LAMA2: variants seen among roughly 807,000 people sequenced by gnomAD.
LAMA2 encodes the protein laminin subunit alpha-2.
LAMA2 carries 269 observed loss-of-function variants against 364.8 expected under a neutral mutation model. The ratio of observed to expected loss-of-function variants is 0.74; its 90% confidence interval spans 0.67 to 0.82. The LOEUF (loss-of-function observed/expected upper bound fraction) is 0.82. LAMA2 is among the 40% of genes least tolerant of loss of function. The pLI is 0.00. For missense variants in LAMA2, 3,807 were observed against 3,873.2 expected (o/e 0.98, Z 0.45); for synonymous variants, 1,379 against 1,370.6 (o/e 1.01, Z -0.14).
intron 1 of LAMA2, among the ~76,000 whole-genome samples, chr6:128,987,769 C>A (rs1358698997): frequency 6.6e-6 from 1 of 152,154 alleles, no homozygotes; most frequent in Non-Finnish European, 1.5e-5. Flanking sequence ...GACAAGTCAG[C>A]CAACTTTTTT....
chr6:129,303,378 CAAA>C (rs1274647234), intron 22 of LAMA2, among the ~76,000 whole-genome samples: 3 of 152,142 alleles, frequency 2.0e-5, no homozygotes, highest in Non-Finnish European at 4.4e-5. Context: ...ATGTCATCTG[CAAA>C]GAGAGATTTA....
At chr6:129,007,825 T>C (rs1446957431) in intron 1 of LAMA2, among the ~76,000 whole-genome samples, 1 of 152,218 alleles carries the variant, frequency 6.6e-6, no homozygotes, top group Admixed American at 6.5e-5. Flanking sequence ...ACACACTGTA[T>C]TGTCAGTAAA....
intron 31 of LAMA2, among the ~76,000 whole-genome samples, chr6:129,352,750 A>G (rs1164196547): frequency 1.3e-5 from 2 of 152,160 alleles, no homozygotes; most frequent in East Asian, 1.9e-4. Context: ...ATGGCACTCA[A>G]TTAAGAACTG....
At chr6:129,181,104 C>T (rs1780900171) in intron 10 of LAMA2, among the ~76,000 whole-genome samples, 1 of 152,188 alleles carries the variant, frequency 6.6e-6, no homozygotes. Context: ...GACCGAATCC[C>T]CAAACCTGTG....
chr6:129,468,482 G>A (rs1031746558), intron 51 of LAMA2, among the ~76,000 whole-genome samples: 1 of 151,730 alleles, frequency 6.6e-6, no homozygotes, highest in Non-Finnish European at 1.5e-5. Context: ...CAGTTAATAT[G>A]TATTAATTTT....
intron 1 of LAMA2, chr6:128,929,931 C>A: frequency 1.3e-6 from 1 of 779,188 alleles, no homozygotes; most frequent in East Asian, 2.6e-5. Flanking sequence ...AGGAGCGCGG[C>A]CCACAGCCCC....
chr6:129,257,209 G>A (rs1046954698), intron 14 of LAMA2, among the ~76,000 whole-genome samples: 60 of 150,412 alleles, frequency 4.0e-4, no homozygotes, highest in African/African-American at 1.3e-3. Context: ...TACTGAAGGG[G>A]AAAAAAAAAT....
rs773943370 is a variant in LAMA2 at position 129,098,166 on chromosome 6, T to A, written c.397-7T>A. The A allele has an allele frequency of 1.2e-6, 2 of 1,614,050 alleles. No homozygotes were observed. Among genetic ancestry groups the A allele is most frequent in the Non-Finnish European group, 1.7e-6 (2 of 1,179,906 alleles). On this transcript the variant is annotated splice_polypyrimidine_tract_variant and splice_region_variant and intron_variant, in intron 3 of 64. Transcript: ENST00000421865. ...TCAATGTTATTGTTGTTGTTATACT[T>A]CCCTAGGTGTTCCAGATCGCGTATG... is the stretch of plus-strand genomic sequence containing the variant.
intron 1 of LAMA2, among the ~76,000 whole-genome samples, chr6:128,891,895 A>G (rs534282112): frequency 1.6e-4 from 24 of 152,178 alleles, no homozygotes; most frequent in Admixed American, 1.3e-3. Flanking sequence ...GAGGTAACTG[A>G]ATCGTAGAAA....
At chr6:129,054,108 T>C (rs1438181742) in intron 2 of LAMA2, among the ~76,000 whole-genome samples, 2 of 152,190 alleles carry the variant, frequency 1.3e-5, no homozygotes, top group Non-Finnish European at 2.9e-5. Context: ...AGAAATTTCT[T>C]ATTTGATGAT....
chr6:129,399,657 G>A (rs1323747886), intron 37 of LAMA2, among the ~76,000 whole-genome samples: 2 of 152,096 alleles, frequency 1.3e-5, no homozygotes, highest in African/African-American at 4.8e-5. Flanking sequence ...TCAGAGGAGT[G>A]GCTATTACCA....
intron 1 of LAMA2, among the ~76,000 whole-genome samples, chr6:128,921,011 A>G (rs1057323106): frequency 1.3e-5 from 2 of 152,224 alleles, no homozygotes; most frequent in Non-Finnish European, 2.9e-5. Context: ...CTGTCTTTGC[A>G]CTATTGCTTG....
intron 1 of LAMA2, among the ~76,000 whole-genome samples, chr6:128,942,304 T>A (rs1048707303): frequency 2.0e-5 from 3 of 152,158 alleles, no homozygotes; most frequent in Non-Finnish European, 4.4e-5. Context: ...CAAGAGCTTT[T>A]AAAATAACAG....
intron 12 of LAMA2, among the ~76,000 whole-genome samples, chr6:129,211,531 AC>A (rs1230647149): frequency 1.3e-5 from 2 of 152,124 alleles, no homozygotes; most frequent in Admixed American, 6.6e-5. Context: ...TGGACTTATA[AC>A]TCCCTTGCAG....
Position 129,314,775 on chromosome 6 carries a change from G to C in LAMA2, c.3532G>C (p.Ala1178Pro). 1 of 1,614,056 alleles carries C rather than the reference G, an allele frequency of 6.2e-7. No homozygotes were observed. Among genetic ancestry groups the C allele is most frequent in the African/African-American group, 1.3e-5 (1 of 75,046 alleles). Residue 1178 changes from alanine to proline, a missense_variant, in exon 24 of 65, where the codon GCA becomes CCA. Ala to Pro is a conservative substitution (Grantham distance 27). Coordinates refer to ENST00000421865, the MANE Select transcript of LAMA2 (RefSeq NM_000426.4). ...CFGTTTQCSE[A>P]KGLIRTWVTL... The stretch of plus-strand genomic sequence containing the variant: ...CGGCACTACTACCCAGTGCTCTGAA[G>C]CAAAAGGACTGATCCGGACGTGGGT...
At chr6:128,929,070 G>T in intron 1 of LAMA2, 2 of 1,453,752 alleles carry the variant, frequency 1.4e-6, no homozygotes, top group Non-Finnish European at 1.9e-6. Flanking sequence ...TGGCTAATGT[G>T]GTCATCCAGA....
At chr6:128,943,022 T>G (rs1431153283) in intron 1 of LAMA2, among the ~76,000 whole-genome samples, 1 of 152,210 alleles carries the variant, frequency 6.6e-6, no homozygotes, top group African/African-American at 2.4e-5. Flanking sequence ...AAATCATTGC[T>G]TTTTCTTCTT....
At chr6:128,927,240 C>T (rs1779156652) in intron 1 of LAMA2, among the ~76,000 whole-genome samples, 1 of 152,150 alleles carries the variant, frequency 6.6e-6, no homozygotes, top group Non-Finnish European at 1.5e-5. Flanking sequence ...ATAACAAATG[C>T]ACTTAAATTG....
chr6:128,964,261 A>G (rs1018620940), intron 1 of LAMA2, among the ~76,000 whole-genome samples: 1 of 152,076 alleles, frequency 6.6e-6, no homozygotes, highest in African/African-American at 2.4e-5. Flanking sequence ...TGAGTAGCCA[A>G]TGATGTTGAA....
Sources: allele counts gnomAD v4.1 joint callset (sites outside exome capture counted in the v4.1 genomes callset), GRCh38; gene constraint gnomAD v4.1.1; transcripts MANE v1.5; gene names NCBI Gene and HGNC (gene_info 2026-07-23, HGNC 2026-07-21).